Variants in NPR2 observed in about 807,000 individuals in gnomAD.
NPR2 encodes the protein atrial natriuretic peptide receptor 2.
Under a neutral mutation model 120.7 loss-of-function variants are expected in NPR2, and 49 were observed. The ratio of observed to expected loss-of-function variants is 0.41; its 90% CI spans 0.32 to 0.52. The LOEUF (loss-of-function observed/expected upper bound fraction) is 0.52. NPR2 is among the 20% of genes least tolerant of loss of function. The probability of loss-of-function intolerance (pLI) is 0.36; values close to 1 mark genes in which losing one functional copy is unlikely to be tolerated. For missense variants in NPR2, 931 were observed against 1,362.9 expected, an observed-to-expected ratio of 0.68 and a Z score of 4.99; for synonymous variants, 484 against 519.8, an observed-to-expected ratio of 0.93 and a Z score of 0.94.
Position 35,806,120 on chromosome 9 carries a change from C to A in NPR2, c.2259C>A (p.Asp753Glu). ...GGCCATATTTCCGGCCAAGCATTGACCGGACCCAACTGAATGAAGAGCTAG... is the reference window on the plus strand; with the variant it reads ...GGCCATATTTCCGGCCAAGCATTGAACGGACCCAACTGAATGAAGAGCTAG... ...GQRPYFRPSI[D>E]RTQLNEELVL... Residue 753 changes from aspartate (D) to glutamate (E), a missense_variant, in exon 15 of 22, where the codon GAC (aspartate) becomes GAA (glutamate). Around this residue, in one of 3 missense-constraint regions of NPR2, gnomAD observed 66 missense variants for 60.3 expected, o/e 1.09. Transcript: ENST00000342694. The surrounding 1 kb of genome is among the most constrained non-coding windows in gnomAD (Gnocchi z 4.6). 6.2e-7 allele frequency: 1 copy of A among 1,614,218 alleles called. No homozygotes were observed. The highest frequency in any genetic ancestry group is 8.5e-7 in the Non-Finnish European group (1 of 1,180,044).
Position 35,805,148 on chromosome 9 carries a change from C to T in NPR2, c.1888-363C>T, listed in dbSNP as rs1398664501. ...GTCTTCCTAATTAGTAGCCAGGTAT[C>T]TGAGGCCACCATGGGTGTTATATCA... On this transcript the variant is annotated intron_variant, in intron 12 of 21. Transcript: ENST00000342694. The surrounding 1 kb of genome is among the most constrained non-coding windows in gnomAD (Gnocchi z 4.9). 6.6e-6 allele frequency among the ~76,000 whole-genome samples: 1 copy of T among 152,236 alleles called. No individual in the cohort carries two copies. The highest frequency in any genetic ancestry group is 1.5e-5 in the Non-Finnish European group (1 of 68,042).
At position 35,791,782 on chromosome 9, in the gene NPR2, T is replaced by G. The variant is rs1200566050; in HGVS notation, c.-627T>G. 2.0e-5 allele frequency among the ~76,000 whole-genome samples: 3 copies of G among 151,592 alleles called. No homozygotes were observed. The highest frequency in any genetic ancestry group is 7.3e-5 in the African/African-American group (3 of 41,256). ...CGGGCGGGGCCGCCGTAGCTCCGGA[T>G]GGGACCAGCGCCCGGGCCCGTTAGT... On this transcript the variant is annotated 5_prime_UTR_variant, in exon 1 of 22. An upstream start codon of the reference 5' UTR is lost. Transcript: ENST00000342694.
In NPR2 at chr9:35,802,365, G is replaced by C. The variant is rs916557684; in HGVS notation, c.1710+82G>C. 1.0e-6 allele frequency: 1 copy of C among 1,004,670 alleles called. No individual in the cohort carries two copies. The highest frequency in any genetic ancestry group is 1.6e-5 in the African/African-American group (1 of 63,330). The allele number at this position is 1,004,670 out of a possible 1,614,324, so 62.2% of individuals were successfully genotyped here. ...TGAAATAGTAAAATTGGCTAGATGG[G>C]CAAGGGGTTGATTTATAAATGATTT... is the stretch of plus-strand genomic sequence containing the variant. On this transcript the variant is annotated intron_variant, in intron 10 of 21. Transcript: ENST00000342694. The surrounding 1 kb of genome is among the most constrained non-coding windows in gnomAD (Gnocchi z 4.2).
Position 35,809,138 on chromosome 9 carries a change from C to G in NPR2, c.2987-18C>G. On this transcript the variant is annotated intron_variant, in intron 20 of 21. Coordinates refer to ENST00000342694, the MANE Select transcript of NPR2 (RefSeq NM_003995.4). This position sits in a 1 kb window ranked among gnomAD's most constrained non-coding sequence, Gnocchi z 4.1. ...TTGATTCCTCATTCCACCATCCTCC[C>G]CATTCCACCCACCCCAGCGCTGAAG... is the stretch of plus-strand genomic sequence containing the variant. 2 of 1,605,080 alleles carry G rather than the reference C, an allele frequency of 1.2e-6. No homozygotes were observed. Among genetic ancestry groups the G allele is most frequent in the Non-Finnish European group, 1.7e-6 (2 of 1,171,940 alleles).
At position 35,807,410 on chromosome 9, in the gene NPR2, G is replaced by A. The variant is rs562727677; in HGVS notation, c.2712+12G>A. ...TTGATGTCTACAAGGTGAGAGCTGGGGCCGCTGTTCAATAGAAGACCCTTT... is the reference window on the plus strand; with the variant it reads ...TTGATGTCTACAAGGTGAGAGCTGGAGCCGCTGTTCAATAGAAGACCCTTT... On this transcript the variant is annotated intron_variant, in intron 18 of 21. Coordinates refer to ENST00000342694, the MANE Select transcript of NPR2 (RefSeq NM_003995.4). 7 of 1,077,808 alleles carry A rather than the reference G, an allele frequency of 6.5e-6. No individual in the cohort carries two copies. In the African/African-American group the frequency reaches 9.0e-5, roughly 14 times the overall value. 66.8% of individuals were successfully genotyped at this position (1,077,808 alleles called of 1,614,324 possible).
rs368985660 is a variant in NPR2 at position 35,792,360 on chromosome 9, C to T, written c.-49C>T. 1.2e-4 allele frequency: 188 copies of T among 1,584,928 alleles called. No individual in the cohort carries two copies. Among genetic ancestry groups the T allele is most frequent in the Non-Finnish European group, 1.6e-4 (182 of 1,167,634 alleles). ...GGGGTGCTCGCGTCTCCCCTGTAGG[C>T]CAGAGCAGCCCCAAGTTCTGGGGGC... On this transcript the variant is annotated 5_prime_UTR_variant, in exon 1 of 22. Coordinates refer to ENST00000342694, the MANE Select transcript of NPR2 (RefSeq NM_003995.4).
intron 12 of NPR2, among the ~76,000 whole-genome samples, chr9:35,804,318 C>T (rs62543790): frequency 0.042 from 6,441 of 151,704 alleles, 165 homozygotes; most frequent in African/African-American, 0.053. Context: ...ACTGCAGCTT[C>T]GACCTCCTGG....
At chr9:35,793,844 T>G (rs1340155292) in intron 1 of NPR2, 54 bp from the exon 2 acceptor site, 2 of 1,563,056 alleles carry the variant, frequency 1.3e-6, no homozygotes, top group African/African-American at 1.4e-5. Flanking sequence ...GGGGGCTGTG[T>G]GGGGGACCTG....
chr9:35,806,152 T>G lies in NPR2; in HGVS notation c.2291T>G (p.Leu764Arg). ...RTQLNEELVL[L>R]MERCWAQDPA... The stretch of plus-strand genomic sequence containing the variant: ...CAACTGAATGAAGAGCTAGTTTTGC[T>G]GATGGAGCGATGTTGGGCTCAGGAC... The change falls in exon 15 of 22, where the codon CTG becomes CGG. Residue 764 changes from leucine to arginine, a missense_variant. By Grantham distance (102) the Leu-to-Arg change is moderately radical (BLOSUM62 -2). This residue lies in a region of NPR2 where 66 missense variants were observed against 60.3 expected (regional missense o/e 1.09). Transcript: ENST00000342694. The surrounding 1 kb of genome is among the most constrained non-coding windows in gnomAD (Gnocchi z 4.6). 1 of 1,614,218 alleles carries G rather than the reference T, an allele frequency of 6.2e-7. No individual in the cohort carries two copies. Among genetic ancestry groups the G allele is most frequent in the Non-Finnish European group, 8.5e-7 (1 of 1,180,038 alleles).
chr9:35,792,387 G>T lies in NPR2; in HGVS notation c.-22G>T. The stretch of plus-strand genomic sequence containing the variant: ...AGAGCAGCCCCAAGTTCTGGGGGCG[G>T]TGGGGCTGCTGCTTTATCCCCATGG... On this transcript the variant is annotated 5_prime_UTR_variant, in exon 1 of 22. Transcript: ENST00000342694. The T allele has an allele frequency of 6.2e-7, 1 of 1,606,814 alleles. No homozygotes were observed. Among genetic ancestry groups the T allele is most frequent in the Non-Finnish European group, 8.5e-7 (1 of 1,178,232 alleles).
Position 35,808,762 on chromosome 9 carries a change from C to A in NPR2, c.2895C>A (p.Val965=), listed in dbSNP as rs1011740301. 8 of 1,613,264 alleles carry A rather than the reference C, an allele frequency of 5.0e-6. No individual in the cohort carries two copies. In the Admixed American group the frequency reaches 5.0e-5, roughly 10 times the overall value. ...RLRIGVHTGP[V]CAGVVGLKMP... ...ACCTGTTTCTTCTCAAAGGGCCAGT[C>A]TGTGCTGGGGTTGTTGGCCTGAAGA... The change falls in exon 20 of 22, where the codon GTC becomes GTA. Residue 965 remains valine (V), a synonymous_variant. Coordinates refer to ENST00000342694, the MANE Select transcript of NPR2 (RefSeq NM_003995.4). This position sits in a 1 kb window ranked among gnomAD's most constrained non-coding sequence, Gnocchi z 4.0.
In NPR2 at chr9:35,809,561, C is replaced by G. The variant is rs758153314; in HGVS notation, c.*116C>G. The G allele has an allele frequency of 3.9e-6, 6 of 1,544,018 alleles. No homozygotes were observed. The South Asian group carries it at 5.6e-5, about 14-fold the overall frequency. ...TTTCATATGCAATGGAAAACAGCCA[C>G]AAAAAAACCTACCTTATATGGAAGT... On this transcript the variant is annotated 3_prime_UTR_variant, in exon 22 of 22. Transcript: ENST00000342694. This position sits in a 1 kb window ranked among gnomAD's most constrained non-coding sequence, Gnocchi z 4.1.
In NPR2 at chr9:35,800,648, G is replaced by A. The variant is rs1280746244; in HGVS notation, c.1219-61G>A. On this transcript the variant is annotated intron_variant, in intron 5 of 21. Coordinates refer to ENST00000342694, the MANE Select transcript of NPR2 (RefSeq NM_003995.4). This position sits in a 1 kb window ranked among gnomAD's most constrained non-coding sequence, Gnocchi z 4.7. ...GGGGAGAAAAGCAGCGAAACAGCTG[G>A]GGTCTGGGGAGGAGGCTGGTGGGAG... 1 of 1,613,308 alleles carries A rather than the reference G, an allele frequency of 6.2e-7. No homozygotes were observed. Among genetic ancestry groups the A allele is most frequent in the Admixed American group, 1.7e-5 (1 of 59,996 alleles).
At position 35,802,828 on chromosome 9, in the gene NPR2, G is replaced by C; in HGVS notation, c.1887+25G>C. 6.8e-7 allele frequency: 1 copy of C among 1,472,158 alleles called. No homozygotes were observed. 91.2% of individuals were successfully genotyped at this position (1,472,158 alleles called of 1,614,324 possible). On this transcript the variant is annotated intron_variant, in intron 12 of 21. Transcript: ENST00000342694. This position sits in a 1 kb window ranked among gnomAD's most constrained non-coding sequence, Gnocchi z 4.2. ...GGTGAGTCTTCCCCACTCCTTAAAA[G>C]TTCATCCACTTTAAATCACTTCCAC...
chr9:35,802,954 C>A lies in NPR2; in HGVS notation c.1887+151C>A. Reference sequence around the variant, plus strand: ...TGGTAATAATGGGTAAACAAGGAGTCTGGGGCTTATAACTGGGACAGTGAG... The same window carrying A: ...TGGTAATAATGGGTAAACAAGGAGTATGGGGCTTATAACTGGGACAGTGAG... On this transcript the variant is annotated intron_variant, in intron 12 of 21. Transcript: ENST00000342694. The surrounding 1 kb of genome is among the most constrained non-coding windows in gnomAD (Gnocchi z 4.2). 1.4e-6 allele frequency: 1 copy of A among 693,324 alleles called. No individual in the cohort carries two copies. The highest frequency in any genetic ancestry group is 2.6e-6 in the Non-Finnish European group (1 of 379,230). 42.9% of individuals were successfully genotyped at this position (693,324 alleles called of 1,614,324 possible).
chr9:35,793,871 G>A, intron 1 of NPR2, 27 bp from the exon 2 acceptor site: 1 of 1,611,354 alleles, frequency 6.2e-7, no homozygotes, highest in Middle Eastern at 1.7e-4. Flanking sequence ...TTCTCAGGGT[G>A]CTCCTCTGTC....
At chr9:35,797,188 G>C (rs1341769372) in intron 2 of NPR2, among the ~76,000 whole-genome samples, 1 of 152,212 alleles carries the variant, frequency 6.6e-6, no homozygotes, top group Non-Finnish European at 1.5e-5. Context: ...GTGTGTTGGG[G>C]AGAGGGGGAT....
At chr9:35,793,279 C>A (rs1327841974) in intron 1 of NPR2, among the ~76,000 whole-genome samples, 2 of 152,056 alleles carry the variant, frequency 1.3e-5, no homozygotes, top group Non-Finnish European at 1.5e-5. Flanking sequence ...CAGATGCAAA[C>A]AAGGAAGAAG....
rs1378218537 is a variant in NPR2 at position 35,805,605 on chromosome 9, C to A, written c.1982C>A (p.Thr661Lys). ...VVDSRFVLKI[T>K]DYGLASFRST... ...GATAGTCGTTTTGTGCTCAAAATCA[C>A]AGACTATGGCCTGGCCAGCTTCCGA... Residue 661 changes from threonine (T) to lysine (K), a missense_variant, in exon 13 of 22, where the codon ACA becomes AAA. Thr to Lys is a moderately conservative substitution (Grantham distance 78, BLOSUM62 -1). Transcript: ENST00000342694. This position sits in a 1 kb window ranked among gnomAD's most constrained non-coding sequence, Gnocchi z 4.9. 1 of 1,614,108 alleles carries A rather than the reference C, an allele frequency of 6.2e-7. No homozygotes were observed. Among genetic ancestry groups the A allele is most frequent in the Non-Finnish European group, 8.5e-7 (1 of 1,180,050 alleles).
Sources: allele counts gnomAD v4.1 joint callset (sites outside exome capture counted in the v4.1 genomes callset), GRCh38; gene constraint gnomAD v4.1.1; regional missense constraint gnomAD v4.1.1; non-coding constraint Gnocchi (gnomAD v3.1); transcripts MANE v1.5; gene names NCBI Gene and HGNC (gene_info 2026-07-23, HGNC 2026-07-21).